PLCB4: variants seen among roughly 807,000 people sequenced by gnomAD.
PLCB4 encodes phospholipase C beta 4, also known as 1-phosphatidylinositol 4,5-bisphosphate phosphodiesterase beta-4.
Under a neutral mutation model 178.8 loss-of-function variants are expected in PLCB4, and 77 were observed. The observed-to-expected ratio is 0.43, with a 90% CI of 0.36 to 0.52. The LOEUF (loss-of-function observed/expected upper bound fraction) is 0.52. Ranked by LOEUF, PLCB4 falls within the 20% of genes least tolerant of loss-of-function variation. The probability of loss-of-function intolerance (pLI) is 0.00; values close to 1 mark genes in which losing one functional copy is unlikely to be tolerated. For synonymous variants in PLCB4, 496 were observed against 490.8 expected, an observed-to-expected ratio of 1.01 and a Z score of -0.14; for missense variants, 1,024 against 1,453.4, an observed-to-expected ratio of 0.70 and a Z score of 4.80.
chr20:9,231,044 G>A (rs748580300), intron 3 of PLCB4, among the ~76,000 whole-genome samples: 1 of 152,146 alleles, frequency 6.6e-6, no homozygotes, highest in Non-Finnish European at 1.5e-5. Context: ...GGAATTACAA[G>A]CGTATTTATT....
intron 28 of PLCB4, among the ~76,000 whole-genome samples, chr20:9,433,907 G>A (rs899059570): frequency 6.6e-6 from 1 of 152,074 alleles, no homozygotes; most frequent in Non-Finnish European, 1.5e-5. Flanking sequence ...ATGCAATTTC[G>A]GTGGAGTGCA....
intron 1 of PLCB4, among the ~76,000 whole-genome samples, chr20:9,080,337 A>G (rs1391398570): frequency 6.6e-6 from 1 of 152,194 alleles, no homozygotes; most frequent in Non-Finnish European, 1.5e-5. Context: ...TAATACTGCT[A>G]TAAGGTATAT....
At chr20:9,287,168 A>T (rs1217013872) in intron 3 of PLCB4, among the ~76,000 whole-genome samples, 1 of 152,080 alleles carries the variant, frequency 6.6e-6, no homozygotes, top group Non-Finnish European at 1.5e-5. Context: ...ATTCTGTCAG[A>T]TAAACTTTAT....
At chr20:9,148,763 C>G (rs1346363551) in intron 2 of PLCB4, among the ~76,000 whole-genome samples, 1 of 152,196 alleles carries the variant, frequency 6.6e-6, no homozygotes, top group African/African-American at 2.4e-5. Flanking sequence ...CCATTTAGCA[C>G]TGTCAAAGTA....
In PLCB4 at chr20:9,151,399, A is replaced by G. The variant is rs1394939279; in HGVS notation, c.-79+55057A>G. Reference sequence around the variant, plus strand: ...CCCATCCAAATCTCAACTAAATTTTATCACCCAGAATTCCCACATGTGGTG... The same window carrying G: ...CCCATCCAAATCTCAACTAAATTTTGTCACCCAGAATTCCCACATGTGGTG... On this transcript the variant is annotated intron_variant, in intron 2 of 39. Transcript: ENST00000378473. 6.6e-5 allele frequency among the ~76,000 whole-genome samples: 10 copies of G among 152,270 alleles called. 1 individual carries two copies. Among genetic ancestry groups the G allele is most frequent in the Admixed American group, 1.3e-4 (2 of 15,294 alleles).
At chr20:9,330,017 T>G (rs935177996) in intron 4 of PLCB4, among the ~76,000 whole-genome samples, 2 of 152,128 alleles carry the variant, frequency 1.3e-5, no homozygotes, top group African/African-American at 4.8e-5. Flanking sequence ...AAATAAAAAT[T>G]TGTGGTTCTG....
chr20:9,165,789 C>G (rs1229863765), intron 2 of PLCB4, among the ~76,000 whole-genome samples: 1 of 123,008 alleles, frequency 8.1e-6, no homozygotes, highest in Non-Finnish European at 1.6e-5. Context: ...AAACCTGGGG[C>G]TGTTTGTGTG....
At chr20:9,187,491 T>G (rs1396960191) in intron 2 of PLCB4, among the ~76,000 whole-genome samples, 1 of 152,174 alleles carries the variant, frequency 6.6e-6, no homozygotes, top group Non-Finnish European at 1.5e-5. Flanking sequence ...TATGTAAACT[T>G]CCATGCCAGA....
chr20:9,079,148 A>G (rs2090023172), intron 1 of PLCB4, among the ~76,000 whole-genome samples: 1 of 152,214 alleles, frequency 6.6e-6, no homozygotes, highest in South Asian at 2.1e-4. Context: ...CAGTTTACAG[A>G]CAATTTCCTT....
intron 2 of PLCB4, among the ~76,000 whole-genome samples, chr20:9,204,812 C>T (rs2093596944): frequency 6.6e-6 from 1 of 151,560 alleles, no homozygotes; most frequent in African/African-American, 2.4e-5. Context: ...AAGCCAGAGC[C>T]ACGTGTGATC....
intron 2 of PLCB4, among the ~76,000 whole-genome samples, chr20:9,205,790 C>T (rs184500093): frequency 2.0e-5 from 3 of 152,304 alleles, no homozygotes; most frequent in African/African-American, 7.2e-5. Context: ...TCCTCTCTAA[C>T]CCCTGGGAAC....
At chr20:9,165,546 A>G (rs750081645) in intron 2 of PLCB4, among the ~76,000 whole-genome samples, 7 of 152,186 alleles carry the variant, frequency 4.6e-5, no homozygotes, top group Admixed American at 3.9e-4. Flanking sequence ...ACAGGGTCCC[A>G]TGATTAACTA....
At chr20:9,239,852 C>T (rs958994261) in intron 3 of PLCB4, among the ~76,000 whole-genome samples, 13 of 152,114 alleles carry the variant, frequency 8.5e-5, no homozygotes, top group African/African-American at 2.7e-4. Context: ...AGTGTCAGTC[C>T]AAGAGTCCAA....
intron 2 of PLCB4, among the ~76,000 whole-genome samples, chr20:9,117,791 G>A (rs542181842): frequency 5.9e-5 from 9 of 152,226 alleles, no homozygotes; most frequent in Admixed American, 2.6e-4. Context: ...ACATTCTCCA[G>A]CTCATTATAC....
intron 39 of PLCB4, among the ~76,000 whole-genome samples, chr20:9,477,294 T>C (rs1227855378): frequency 6.6e-6 from 1 of 152,156 alleles, no homozygotes; most frequent in Admixed American, 6.5e-5. Flanking sequence ...CATACCAGGA[T>C]AGTTTTGAGA....
chr20:9,158,447 T>A (rs1277419034), intron 2 of PLCB4, among the ~76,000 whole-genome samples: 11 of 150,614 alleles, frequency 7.3e-5, no homozygotes. Context: ...TTTTTTTTTT[T>A]TAATAGATTT....
intron 2 of PLCB4, among the ~76,000 whole-genome samples, chr20:9,106,539 G>GCACA (rs374743256): frequency 9.0e-5 from 13 of 144,138 alleles, no homozygotes; most frequent in South Asian, 2.2e-4. Flanking sequence ...TGACACACAT[G>GCACA]CACACACACA....
chr20:9,459,447 T>C (rs1287124879), intron 34 of PLCB4, among the ~76,000 whole-genome samples, 188 bp from the exon 35 acceptor site: 1 of 152,240 alleles, frequency 6.6e-6, no homozygotes, highest in Non-Finnish European at 1.5e-5. Flanking sequence ...AATTGATTTA[T>C]TTTGATAAGC....
chr20:9,434,006 T>C (rs967005091), intron 28 of PLCB4, among the ~76,000 whole-genome samples: 5 of 152,226 alleles, frequency 3.3e-5, no homozygotes, highest in Admixed American at 6.5e-5. Flanking sequence ...AGAGGTATGC[T>C]ACGAAATGTT....
Sources: allele counts gnomAD v4.1 joint callset (sites outside exome capture counted in the v4.1 genomes callset), GRCh38; gene constraint gnomAD v4.1.1; transcripts MANE v1.5; gene names NCBI Gene and HGNC (gene_info 2026-07-23, HGNC 2026-07-21).